The following DTNBP1 variants were observed in gnomAD, a reference collection of about 807,000 sequenced individuals.
DTNBP1 encodes dystrobrevin binding protein 1, also known as dysbindin.
In DTNBP1, 35 loss-of-function variants were observed where a neutral mutation model predicts 42.8. That is an observed-to-expected ratio of 0.82 (90% CI 0.63 to 1.09). The LOEUF is 1.09. DTNBP1 is among the 50% of genes least tolerant of loss of function. The probability of loss-of-function intolerance (pLI) is 0.00; values close to 1 mark genes in which losing one functional copy is unlikely to be tolerated. For missense variants in DTNBP1, 457 were observed against 424.2 expected (o/e 1.08, Z -0.68); for synonymous variants, 171 against 162.2 (o/e 1.05, Z -0.41).
At chr6:15,543,767 C>T (rs1047077483) in intron 7 of DTNBP1, among the ~76,000 whole-genome samples, 2 of 152,158 alleles carry the variant, frequency 1.3e-5, no homozygotes, top group Non-Finnish European at 2.9e-5. Context: ...CCTTAGTCAC[C>T]TGTTCTGTAA....
intron 5 of DTNBP1, among the ~76,000 whole-genome samples, chr6:15,620,166 T>C (rs769434823): frequency 7.9e-5 from 12 of 152,194 alleles, no homozygotes; most frequent in Non-Finnish European, 1.3e-4. Context: ...ATGTAGTTCA[T>C]GGTGCTTTTG....
At chr6:15,556,167 T>C (rs572158997) in intron 7 of DTNBP1, among the ~76,000 whole-genome samples, 2 of 151,702 alleles carry the variant, frequency 1.3e-5, no homozygotes, top group African/African-American at 4.8e-5. Context: ...TCCTAAGAAA[T>C]AGGGAGTTAA....
At chr6:15,570,309 T>C (rs550051076) in intron 7 of DTNBP1, among the ~76,000 whole-genome samples, 2 of 152,256 alleles carry the variant, frequency 1.3e-5, no homozygotes, top group Non-Finnish European at 2.9e-5. Context: ...ACTGTTTTTC[T>C]GTTTCTTCCT....
At chr6:15,523,365 G>T in intron 9 of DTNBP1, 146 bp from the exon 10 acceptor site, 1 of 1,328,440 alleles carries the variant, frequency 7.5e-7, no homozygotes, top group Non-Finnish European at 1.0e-6. Flanking sequence ...CTTGGGAACT[G>T]CCCTGGAAGA....
At chr6:15,653,863 G>A (rs527963523) in intron 1 of DTNBP1, among the ~76,000 whole-genome samples, 1 of 152,266 alleles carries the variant, frequency 6.6e-6, no homozygotes, top group East Asian at 1.9e-4. Context: ...CCATCAGCCA[G>A]AAACTGTCCT....
chr6:15,618,599 A>G (rs1172138142), intron 5 of DTNBP1, among the ~76,000 whole-genome samples: 1 of 152,182 alleles, frequency 6.6e-6, no homozygotes, highest in Non-Finnish European at 1.5e-5. Flanking sequence ...GAACGCGGAG[A>G]AACGAGTTCT....
intron 5 of DTNBP1, 63 bp downstream of exon 5, chr6:15,627,280 C>G: frequency 6.3e-7 from 1 of 1,599,536 alleles, no homozygotes; most frequent in Non-Finnish European, 8.5e-7. Context: ...TGAAATTACA[C>G]CAAACCCTGC....
At chr6:15,596,436 C>G (rs1776518744) in intron 6 of DTNBP1, among the ~76,000 whole-genome samples, 1 of 152,150 alleles carries the variant, frequency 6.6e-6, no homozygotes, top group South Asian at 2.1e-4. Flanking sequence ...CAATCAACAC[C>G]ACCAACAATC....
intron 1 of DTNBP1, among the ~76,000 whole-genome samples, chr6:15,661,660 TG>T (rs907471645): frequency 6.4e-5 from 4 of 62,284 alleles, no homozygotes; most frequent in African/African-American, 1.8e-4. Flanking sequence ...AAAAGGGGGG[TG>T]GGGGGGAGAA....
intron 4 of DTNBP1, among the ~76,000 whole-genome samples, chr6:15,635,943 T>A (rs888567115): frequency 2.0e-5 from 3 of 152,206 alleles, no homozygotes; most frequent in African/African-American, 7.2e-5. Context: ...TATTCAATAG[T>A]GCAGTATCTA....
intron 3 of DTNBP1, among the ~76,000 whole-genome samples, chr6:15,644,873 C>T (rs1053610218): frequency 6.6e-6 from 1 of 151,810 alleles, no homozygotes; most frequent in Non-Finnish European, 1.5e-5. Context: ...CTTTTAAGAA[C>T]TAGAAAGGCA....
chr6:15,624,044 C>T (rs1347544934), intron 5 of DTNBP1, among the ~76,000 whole-genome samples: 1 of 152,220 alleles, frequency 6.6e-6, no homozygotes, highest in Non-Finnish European at 1.5e-5. Flanking sequence ...ATGGCAGGTG[C>T]CCAGCCTTGT....
Position 15,637,768 on chromosome 6 carries a change from G to T in DTNBP1, c.198C>A (p.Ala66=), listed in dbSNP as rs771084025. 3 of 1,613,712 alleles carry T rather than the reference G, an allele frequency of 1.9e-6. No homozygotes were observed. In the South Asian group the frequency reaches 3.3e-5, roughly 18 times the overall value. Residue 66 remains alanine (A), a synonymous_variant, in exon 4 of 10, where the codon GCC becomes GCA. Coordinates refer to ENST00000344537, the MANE Select transcript of DTNBP1 (RefSeq NM_032122.5). ...EDTWAALHRR[A]KDCASAGELV... ...CCTCTCCAGCACTTGCACAGTCTTTGGCTCTTCTGTGAAGTGCAGCCCATG... is the reference window on the plus strand; with the variant it reads ...CCTCTCCAGCACTTGCACAGTCTTTTGCTCTTCTGTGAAGTGCAGCCCATG...
intron 9 of DTNBP1, chr6:15,523,746 GTCTCC>G: frequency 7.8e-7 from 1 of 1,287,192 alleles, no homozygotes; most frequent in South Asian, 1.2e-5. Flanking sequence ...GTTCACGCTG[GTCTCC>G]AGTATTCTGG....
intron 3 of DTNBP1, among the ~76,000 whole-genome samples, chr6:15,641,072 C>T (rs1760318574): frequency 6.6e-6 from 1 of 152,226 alleles, no homozygotes; most frequent in Admixed American, 6.5e-5. Flanking sequence ...CCTGCTATGG[C>T]TAGCAATTTT....
chr6:15,651,891 C>A (rs1761021283), intron 2 of DTNBP1, among the ~76,000 whole-genome samples, 196 bp downstream of exon 2: 1 of 152,116 alleles, frequency 6.6e-6, no homozygotes, highest in Non-Finnish European at 1.5e-5. Flanking sequence ...TTATACTTCA[C>A]CATTTTTTCA....
intron 7 of DTNBP1, among the ~76,000 whole-genome samples, chr6:15,589,638 G>A (rs1041502834): frequency 3.9e-5 from 6 of 151,974 alleles, no homozygotes; most frequent in South Asian, 2.1e-4. Context: ...CATTCCTTAC[G>A]TGAATTCTCA....
At chr6:15,525,142 A>G (rs1772287025) in intron 8 of DTNBP1, among the ~76,000 whole-genome samples, 1 of 152,228 alleles carries the variant, frequency 6.6e-6, no homozygotes, top group African/African-American at 2.4e-5. Flanking sequence ...CTAACGGCAG[A>G]AGGGGTTTGA....
At chr6:15,558,873 T>C (rs1774674973) in intron 7 of DTNBP1, among the ~76,000 whole-genome samples, 2 of 152,250 alleles carry the variant, frequency 1.3e-5, no homozygotes, top group South Asian at 2.1e-4. Context: ...CTGTTTGATA[T>C]TGCAGTACAT....
Sources: allele counts gnomAD v4.1 joint callset (sites outside exome capture counted in the v4.1 genomes callset), GRCh38; gene constraint gnomAD v4.1.1; transcripts MANE v1.5; gene names NCBI Gene and HGNC (gene_info 2026-07-23, HGNC 2026-07-21).